Variants in RPAP3 observed in about 807,000 individuals in gnomAD.
The protein encoded by RPAP3 is RNA polymerase II-associated protein 3.
RPAP3 carries 58 observed loss-of-function variants against 88.8 expected under a neutral mutation model. The ratio of observed to expected loss-of-function variants is 0.65; its 90% confidence interval spans 0.53 to 0.81. The LOEUF (loss-of-function observed/expected upper bound fraction) is 0.81, where lower values mean the gene tolerates loss of function less well. Ranked by LOEUF, RPAP3 falls within the 40% of genes least tolerant of loss-of-function variation. The pLI, the probability that RPAP3 is intolerant of heterozygous loss-of-function variation, is 0.00. For missense variants in RPAP3, 751 were observed against 764.3 expected, an observed-to-expected ratio of 0.98 and a Z score of 0.20; for synonymous variants, 255 against 259.9, an observed-to-expected ratio of 0.98 and a Z score of 0.18.
At chr12:47,664,558 A>G (rs1938828797) in intron 16 of RPAP3, 1 of 152,214 alleles carries the variant, frequency 6.6e-6, no homozygotes, top group African/African-American at 2.4e-5. Flanking sequence ...GCAATAATAA[A>G]ATATAACAAC....
chr12:47,699,639 C>A (rs978523055), intron 3 of RPAP3: 4 of 152,278 alleles, frequency 2.6e-5, no homozygotes, highest in East Asian at 3.9e-4. Context: ...CCCAGCAAAT[C>A]CCCTCTAGGG....
At chr12:47,663,667 T>A in intron 16 of RPAP3, 77 bp from the exon 17 acceptor site, 1 of 808,498 alleles carries the variant, frequency 1.2e-6, no homozygotes, top group Non-Finnish European at 1.9e-6. Context: ...AAAGGAGCAA[T>A]CTATTTGTCA....
chr12:47,691,456 C>T (rs962446431), intron 5 of RPAP3, among the ~76,000 whole-genome samples: 1 of 152,212 alleles, frequency 6.6e-6, no homozygotes, highest in African/African-American at 2.4e-5. Context: ...TGACCTCCTC[C>T]CATGAATTAT....
intron 12 of RPAP3, among the ~76,000 whole-genome samples, chr12:47,676,741 A>AG (rs1306027191): frequency 2.0e-5 from 3 of 152,162 alleles, no homozygotes; most frequent in African/African-American, 7.2e-5. Flanking sequence ...TCTGAAATTC[A>AG]GGCAATAATA....
rs1389500618 is a variant in RPAP3, at chr12:47,690,644, A to T, written c.546-5T>A. Reference sequence around the variant, plus strand: ...TCAGACTCAGCAACAGCAAATCTGCAATTTAAAAACATTAAAATAAATAAA... The same window carrying T: ...TCAGACTCAGCAACAGCAAATCTGCTATTTAAAAACATTAAAATAAATAAA... On this transcript the variant is annotated splice_polypyrimidine_tract_variant and splice_region_variant and intron_variant, in intron 5 of 16. Transcript: ENST00000005386. 6.9e-7 allele frequency: 1 copy of T among 1,458,968 alleles called. No homozygotes were observed. Among genetic ancestry groups the T allele is most frequent in the Non-Finnish European group, 9.2e-7 (1 of 1,092,356 alleles). The allele number at this position is 1,458,968 out of a possible 1,614,324, so 90.4% of individuals were successfully genotyped here. A position where few individuals can be genotyped will look rare whatever the true frequency, so the allele number is the denominator to read the frequency against.
intron 9 of RPAP3, among the ~76,000 whole-genome samples, chr12:47,683,994 TTTC>T (rs2136626451): frequency 6.6e-6 from 1 of 152,326 alleles, no homozygotes; most frequent in African/African-American, 2.4e-5. Flanking sequence ...ACTGGGTTAT[TTTC>T]TTCTTATCCT....
rs562911288 is a variant in RPAP3, at chr12:47,696,494, G to A, written c.418-91C>T. The A allele has an allele frequency of 1.1e-5, 9 of 792,344 alleles. 1 individual carries two copies. In the South Asian group the frequency reaches 2.4e-4, roughly 21 times the overall value. 49.1% of individuals were successfully genotyped at this position (792,344 alleles called of 1,614,324 possible). On this transcript the variant is annotated intron_variant, in intron 4 of 16. Coordinates refer to ENST00000005386, the MANE Select transcript of RPAP3 (RefSeq NM_024604.3). ...AACGACCCAGGTTTGAAGTGCATGG[G>A]TCCACTTAAATGTAGATTTTTTTCA...
At position 47,686,828 on chromosome 12, in the gene RPAP3, T is replaced by A. The variant is rs1420360337; in HGVS notation, c.944A>T (p.Asn315Ile). Residue 315 changes from asparagine (N) to isoleucine (I), a missense_variant, in exon 9 of 17, where the codon AAT becomes ATT. By Grantham distance (149) the Asn-to-Ile change is moderately radical (BLOSUM62 -3). Coordinates refer to ENST00000005386, the MANE Select transcript of RPAP3 (RefSeq NM_024604.3). ...AGCTCTGTTAGCTGGAAGAAGGGCA[T>A]TAGCACCATCTGCTGCTATCCCTCG... is the stretch of plus-strand genomic sequence containing the variant. The part of the protein sequence containing the change: ...YTRGIAADGA[N>I]ALLPANRAMA... The A allele has an allele frequency of 5.6e-6, 9 of 1,606,994 alleles. No homozygotes were observed. Among genetic ancestry groups the A allele is most frequent in the Non-Finnish European group, 6.8e-6 (8 of 1,176,820 alleles).
chr12:47,668,151 C>A (rs1328202385), intron 14 of RPAP3, among the ~76,000 whole-genome samples: 1 of 152,162 alleles, frequency 6.6e-6, no homozygotes, highest in East Asian at 1.9e-4. Context: ...GCTGAGATTG[C>A]GTCATTGCAC....
In RPAP3 at chr12:47,690,531, T is replaced by C; in HGVS notation, c.654A>G (p.Glu218=). The part of the protein sequence containing the change: ...GAARFALQKL[E]EAKKDYERVL... ...ACTAGAAAATACCTTTTTTGGCCTC[T>C]TCTAATTTTTGCAAAGCAAATCGAG... The change falls in exon 6 of 17, where the codon GAA becomes GAG. Residue 218 remains glutamate, a synonymous_variant. Coordinates refer to ENST00000005386, the MANE Select transcript of RPAP3 (RefSeq NM_024604.3). 4 of 1,601,988 alleles carry C rather than the reference T, an allele frequency of 2.5e-6. No homozygotes were observed. Among genetic ancestry groups the C allele is most frequent in the Non-Finnish European group, 3.4e-6 (4 of 1,174,368 alleles).
chr12:47,671,151 T>C (rs1938988756), intron 12 of RPAP3, among the ~76,000 whole-genome samples: 1 of 152,162 alleles, frequency 6.6e-6, no homozygotes, highest in African/African-American at 2.4e-5. Context: ...TAATAATATA[T>C]GTATATCTAA....
chr12:47,671,639 G>A (rs1342836648), intron 12 of RPAP3, among the ~76,000 whole-genome samples: 1 of 152,190 alleles, frequency 6.6e-6, no homozygotes, highest in African/African-American at 2.4e-5. Context: ...TAAGGCCTAT[G>A]CTTTGCTAAG....
Position 47,702,800 on chromosome 12 carries a change from A to C in RPAP3, c.41T>G (p.Val14Gly). The C allele has an allele frequency of 6.2e-7, 1 of 1,612,998 alleles. No individual in the cohort carries two copies. The highest frequency in any genetic ancestry group is 8.5e-7 in the Non-Finnish European group (1 of 1,179,626). Residue 14 changes from valine to glycine, a missense_variant, in exon 2 of 17, where the codon GTG becomes GGG. Val to Gly is a moderately radical substitution (Grantham distance 109). Transcript: ENST00000005386. The stretch of plus-strand genomic sequence containing the variant: ...TTGTAATTCTTCTGCATTTTGTTTC[A>C]CTTGTAGTTGTAATTCGATTGCTTT... ...ANKAIELQLQ[V>G]KQNAEELQDF...
chr12:47,673,543 A>G (rs537937877), intron 12 of RPAP3, among the ~76,000 whole-genome samples: 1 of 152,228 alleles, frequency 6.6e-6, no homozygotes, highest in Non-Finnish European at 1.5e-5. Context: ...AACTAGTACA[A>G]ACATAGCAAA....
At position 47,663,324 on chromosome 12, in the gene RPAP3, A is replaced by ATTC. The variant is rs1491239750; in HGVS notation, c.*180_*181insGAA. ...TTTATATTTTTATTTTCAGAAAAAC[A>ATTC]GAGTTCACTTGAATACAATTCTCAC... On this transcript the variant is annotated 3_prime_UTR_variant, in exon 17 of 17. Coordinates refer to ENST00000005386, the MANE Select transcript of RPAP3 (RefSeq NM_024604.3). 1.1e-5 allele frequency: 5 copies of ATTC among 455,036 alleles called. No individual in the cohort carries two copies. The highest frequency in any genetic ancestry group is 1.9e-5 in the Non-Finnish European group (5 of 260,114). 28.2% of individuals were successfully genotyped at this position (455,036 alleles called of 1,614,324 possible).
intron 12 of RPAP3, among the ~76,000 whole-genome samples, chr12:47,678,636 A>G (rs1267262337): frequency 2.1e-4 from 32 of 151,040 alleles, no homozygotes; most frequent in African/African-American, 4.4e-4. Flanking sequence ...CAGCCAACAG[A>G]CACATGAAAA....
chr12:47,694,366 T>C (rs559544043), intron 5 of RPAP3, among the ~76,000 whole-genome samples: 27 of 152,276 alleles, frequency 1.8e-4, no homozygotes, highest in Admixed American at 1.7e-3. Flanking sequence ...CTTCAGCATA[T>C]GTGAAAACAC....
At chr12:47,682,640 T>C (rs767732031) in intron 9 of RPAP3, among the ~76,000 whole-genome samples, 7 of 151,550 alleles carry the variant, frequency 4.6e-5, no homozygotes, top group Admixed American at 4.6e-4. Flanking sequence ...GAGTTTATTA[T>C]ACTACTTTTG....
At chr12:47,667,612 C>T (rs1188782727) in intron 15 of RPAP3, 142 bp downstream of exon 15, 3 of 529,976 alleles carry the variant, frequency 5.7e-6, no homozygotes, top group African/African-American at 3.9e-5. Context: ...TATAAACAAA[C>T]CAATTTTACC....
Sources: allele counts gnomAD v4.1 joint callset (sites outside exome capture counted in the v4.1 genomes callset), GRCh38; gene constraint gnomAD v4.1.1; transcripts MANE v1.5; gene names NCBI Gene and HGNC (gene_info 2026-07-23, HGNC 2026-07-21).